CACNG3: variants seen among roughly 807,000 people sequenced by gnomAD.
CACNG3 encodes the protein calcium voltage-gated channel auxiliary subunit gamma 3, also known as voltage-dependent calcium channel gamma-3 subunit.
Under a neutral mutation model 28.5 loss-of-function variants are expected in CACNG3, and 3 were observed. That is an observed-to-expected ratio of 0.11 (90% CI 0.05 to 0.27). CACNG3 has a LOEUF of 0.27. CACNG3 is among the 10% of genes least tolerant of loss of function. CACNG3 has a pLI of 1.00. For synonymous variants in CACNG3, 174 were observed against 162.2 expected, an observed-to-expected ratio of 1.07 and a Z score of -0.55; for missense variants, 236 against 414.4, an observed-to-expected ratio of 0.57 and a Z score of 3.74.
chr16:24,343,834 A>C (rs533454553), intron 1 of CACNG3, among the ~76,000 whole-genome samples: 321 of 152,270 alleles, frequency 2.1e-3, no homozygotes, highest in African/African-American at 6.7e-3. Context: ...TCACACCTGT[A>C]ATCCCAGCAC....
chr16:24,350,038 G>T (rs1021914416), intron 2 of CACNG3, among the ~76,000 whole-genome samples: 1 of 151,022 alleles, frequency 6.6e-6, no homozygotes, highest in African/African-American at 2.5e-5. Context: ...ATATAGTTTG[G>T]GGGGAGAAAC....
intron 3 of CACNG3, among the ~76,000 whole-genome samples, 164 bp downstream of exon 3, chr16:24,355,137 T>C (rs1900012448): frequency 1.3e-5 from 2 of 150,656 alleles, no homozygotes; most frequent in African/African-American, 2.4e-5. Flanking sequence ...GAACCAAAGA[T>C]GCCAAAACTC....
In CACNG3 at chr16:24,296,277, T is replaced by C. The variant is rs79707256; in HGVS notation, c.211+39312T>C. Among the ~76,000 whole-genome samples the C allele has an allele frequency of 6.3e-4, 96 of 152,362 alleles. 1 individual carries two copies. In the East Asian group the frequency reaches 0.018, roughly 28 times the overall value. On this transcript the variant is annotated intron_variant, in intron 1 of 3. Coordinates refer to ENST00000005284, the MANE Select transcript of CACNG3 (RefSeq NM_006539.4). ...CACCATGAACTAAGTCAGTTTGCCC[T>C]GAGAGTCTACAACTTTCCATCTTGT...
intron 3 of CACNG3, among the ~76,000 whole-genome samples, chr16:24,355,446 G>A (rs539711144): frequency 1.3e-5 from 2 of 152,212 alleles, no homozygotes; most frequent in South Asian, 2.1e-4. Flanking sequence ...AGCTGGGTGT[G>A]GTGGTGCACA....
At chr16:24,345,387 C>T (rs1899848087) in intron 1 of CACNG3, among the ~76,000 whole-genome samples, 1 of 152,150 alleles carries the variant, frequency 6.6e-6, no homozygotes, top group Non-Finnish European at 1.5e-5. Context: ...AGTTAACTAA[C>T]ACCCAAAATG....
intron 1 of CACNG3, among the ~76,000 whole-genome samples, chr16:24,273,877 G>C (rs1489374240): frequency 1.3e-5 from 2 of 151,982 alleles, no homozygotes; most frequent in African/African-American, 4.8e-5. Flanking sequence ...AGCAAAATTG[G>C]GCTTTTTAAA....
At chr16:24,279,238 G>A (rs1254904722) in intron 1 of CACNG3, among the ~76,000 whole-genome samples, 1 of 152,166 alleles carries the variant, frequency 6.6e-6, no homozygotes, top group Non-Finnish European at 1.5e-5. Context: ...TTTCATTTTT[G>A]AGGCTCATTC....
intron 1 of CACNG3, among the ~76,000 whole-genome samples, chr16:24,308,102 T>C (rs931170386): frequency 1.3e-5 from 2 of 152,142 alleles, no homozygotes; most frequent in African/African-American, 2.4e-5. Context: ...CAACACTTAA[T>C]TGCATCCAAA....
In CACNG3 at chr16:24,260,342, C is replaced by G. The variant is rs544324937; in HGVS notation, c.211+3377C>G. 7.9e-5 allele frequency among the ~76,000 whole-genome samples: 12 copies of G among 152,280 alleles called. 1 individual carries two copies. Among genetic ancestry groups the G allele is most frequent in the Admixed American group, 3.9e-4 (6 of 15,306 alleles). ...AATAAGCTAACCTACCAGAATATCC[C>G]TTACATTTAGCACTTACTATGTGCT... On this transcript the variant is annotated intron_variant, in intron 1 of 3. Transcript: ENST00000005284.
intron 1 of CACNG3, among the ~76,000 whole-genome samples, chr16:24,280,774 A>C (rs1261465876): frequency 7.4e-6 from 1 of 136,042 alleles, no homozygotes; most frequent in Non-Finnish European, 1.5e-5. Flanking sequence ...CGAGATCAAG[A>C]TTGCACCACT....
At chr16:24,274,159 C>T (rs1898723477) in intron 1 of CACNG3, among the ~76,000 whole-genome samples, 1 of 149,274 alleles carries the variant, frequency 6.7e-6, no homozygotes. Context: ...TGCACTCCAG[C>T]CTGGGCGACA....
intron 1 of CACNG3, among the ~76,000 whole-genome samples, chr16:24,291,837 G>C (rs749110443): frequency 3.0e-4 from 46 of 152,128 alleles, no homozygotes; most frequent in African/African-American, 1.1e-3. Flanking sequence ...TGCATTCTAC[G>C]GGGCATACAG....
At chr16:24,257,896 C>G (rs1364325897) in intron 1 of CACNG3, among the ~76,000 whole-genome samples, 2 of 152,182 alleles carry the variant, frequency 1.3e-5, no homozygotes. Context: ...AGAAGTCACT[C>G]TCAGCACCAG....
At chr16:24,310,222 G>C (rs148282296) in intron 1 of CACNG3, among the ~76,000 whole-genome samples, 1 of 152,308 alleles carries the variant, frequency 6.6e-6, no homozygotes, top group East Asian at 1.9e-4. Flanking sequence ...AAAAGATATC[G>C]AGAAGTCAGC....
At chr16:24,325,391 C>A (rs1241535020) in intron 1 of CACNG3, among the ~76,000 whole-genome samples, 3 of 152,296 alleles carry the variant, frequency 2.0e-5, no homozygotes, top group African/African-American at 2.4e-5. Context: ...AGCAGAGTCA[C>A]CCACCACCAA....
chr16:24,286,588 C>T (rs1020643567), intron 1 of CACNG3, among the ~76,000 whole-genome samples: 1 of 152,204 alleles, frequency 6.6e-6, no homozygotes, highest in Non-Finnish European at 1.5e-5. Context: ...GAGGACACTG[C>T]TCTGAGAACG....
chr16:24,354,329 G>A (rs890893480), intron 2 of CACNG3, among the ~76,000 whole-genome samples: 7 of 152,142 alleles, frequency 4.6e-5, no homozygotes, highest in African/African-American at 9.7e-5. Context: ...CCCAGTGAGC[G>A]CAAACCCTCC....
At chr16:24,284,217 T>C (rs1376682871) in intron 1 of CACNG3, among the ~76,000 whole-genome samples, 1 of 152,208 alleles carries the variant, frequency 6.6e-6, no homozygotes, top group Non-Finnish European at 1.5e-5. Context: ...GGTTTGTCTT[T>C]TGTGTGTTAT....
chr16:24,338,511 T>C (rs1899740630), intron 1 of CACNG3, among the ~76,000 whole-genome samples: 1 of 151,996 alleles, frequency 6.6e-6, no homozygotes, highest in Admixed American at 6.6e-5. Flanking sequence ...GCCCAGCTTA[T>C]TTTTGTATTT....
Sources: gnomAD v4.1 joint callset for allele counts (sites outside exome capture counted in the v4.1 genomes callset) on GRCh38, gnomAD v4.1.1 for gene constraint, MANE v1.5 for transcripts, NCBI Gene and HGNC (gene_info 2026-07-23, HGNC 2026-07-21) for gene names.